The following MUC5B variants were observed in gnomAD, a reference collection of about 807,000 sequenced individuals.
The protein encoded by MUC5B is mucin-5B.
Under a neutral mutation model 376.9 loss-of-function variants are expected in MUC5B, and 116 were observed. The observed-to-expected ratio is 0.31, with a 90% CI of 0.26 to 0.36. The LOEUF (loss-of-function observed/expected upper bound fraction) is 0.36. Among genes scored for constraint, MUC5B ranks in the 10% least tolerant of loss-of-function variants. MUC5B has a pLI of 1.00. For synonymous variants in MUC5B, 3,517 were observed against 3,390.9 expected, an observed-to-expected ratio of 1.04 and a Z score of -1.29; for missense variants, 7,165 against 7,769.9, an observed-to-expected ratio of 0.92 and a Z score of 2.93.
At position 1,244,599 on chromosome 11, in the gene MUC5B, T is replaced by A. The variant is rs200202564; in HGVS notation, c.7719T>A (p.Thr2573=). 1.9e-6 allele frequency: 3 copies of A among 1,599,866 alleles called. No homozygotes were observed. The highest frequency in any genetic ancestry group is 2.6e-6 in the Non-Finnish European group (3 of 1,169,108). ...STATPSSTPE[T]VHTSTVLTTT... ...CCACACCCTCCTCCACTCCAGAGACTGTCCACACCTCCACAGTGCTTACCA... is the reference window on the plus strand; with the variant it reads ...CCACACCCTCCTCCACTCCAGAGACAGTCCACACCTCCACAGTGCTTACCA... The change falls in exon 31 of 49, where the codon ACT becomes ACA. Residue 2573 remains threonine, a synonymous_variant. Coordinates refer to ENST00000529681, the MANE Select transcript of MUC5B (RefSeq NM_002458.3).
Position 1,242,552 on chromosome 11 carries a change from C to A in MUC5B, c.5672C>A (p.Thr1891Asn). The A allele has an allele frequency of 6.2e-7, 1 of 1,613,832 alleles. No homozygotes were observed. The highest frequency in any genetic ancestry group is 8.5e-7 in the Non-Finnish European group (1 of 1,179,812). ...AGCCACTGCCCCAGTACCCCAGCCA[C>A]CAGCTCCACGGCCACGCCCTCCTCA... Reference protein sequence around the residue: ...DYSHCPSTPATSSTATPSSTP... With the variant: ...DYSHCPSTPANSSTATPSSTP... Residue 1891 changes from threonine to asparagine, a missense_variant, in exon 31 of 49, where the codon ACC (threonine) becomes AAC (asparagine). Around this residue, in one of 31 missense-constraint regions of MUC5B, gnomAD observed 897 missense variants for 779.6 expected, o/e 1.15. Coordinates refer to ENST00000529681, the MANE Select transcript of MUC5B (RefSeq NM_002458.3).
At chr11:1,259,628 G>T (rs1336715127) in intron 44 of MUC5B, 128 bp from the exon 45 acceptor site, 3 of 894,778 alleles carry the variant, frequency 3.4e-6, no homozygotes, top group Non-Finnish European at 5.2e-6. Flanking sequence ...AACTTCTTCG[G>T]GTATAGGCCC....
At position 1,261,900 on chromosome 11, in the gene MUC5B, A is replaced by T. The variant is rs769991254; in HGVS notation, c.*292A>T. On this transcript the variant is annotated 3_prime_UTR_variant, in exon 49 of 49. Transcript: ENST00000529681. ...TGGGACGCCCTGGAACAAACTAAGC[A>T]TGTGCGGGCCTATGTGTCCCTGCCA... 25 of 640,932 alleles carry T rather than the reference A, an allele frequency of 3.9e-5. No homozygotes were observed. The highest frequency in any genetic ancestry group is 2.8e-4 in the Middle Eastern group (1 of 3,512). The allele number at this position is 640,932 out of a possible 1,614,324, so 39.7% of individuals were successfully genotyped here. A position where few individuals can be genotyped will look rare whatever the true frequency, so the allele number is the denominator to read the frequency against.
intron 31 of MUC5B, 109 bp downstream of exon 31, chr11:1,251,852 C>A: frequency 1.2e-6 from 1 of 824,258 alleles, no homozygotes; most frequent in Non-Finnish European, 1.9e-6. Flanking sequence ...CATGTTTGTT[C>A]CCCACTGGCC....
At chr11:1,232,258 G>A in intron 15 of MUC5B, 98 bp downstream of exon 15, 1 of 1,427,908 alleles carries the variant, frequency 7.0e-7, no homozygotes, top group Non-Finnish European at 9.4e-7. Flanking sequence ...TGGGATTGGG[G>A]ACCCCATGGA....
intron 11 of MUC5B, 54 bp downstream of exon 11, chr11:1,230,197 G>GC: frequency 6.5e-7 from 1 of 1,534,378 alleles, no homozygotes; most frequent in Non-Finnish European, 8.7e-7. Flanking sequence ...GGACCCTCAT[G>GC]CCACTTCCAC....
In MUC5B at chr11:1,258,546, G is replaced by A. The variant is rs904520906; in HGVS notation, c.16593+179G>A. Among the ~76,000 whole-genome samples, 12 of 152,104 alleles carry A rather than the reference G, an allele frequency of 7.9e-5. No individual in the cohort carries two copies. The highest frequency in any genetic ancestry group is 1.5e-4 in the Non-Finnish European group (10 of 67,994). ...TTGGGACTCAGGGGCACCTTACGTC[G>A]ACAGCCATGAGCTCCACAACTGCTG... On this transcript the variant is annotated intron_variant, in intron 43 of 48. Transcript: ENST00000529681. The surrounding 1 kb of genome is among the most constrained non-coding windows in gnomAD (Gnocchi z 5.5).
rs55856712 is a variant in MUC5B at position 1,254,477 on chromosome 11, G to T, written c.15477+126G>T. ...CAGTGCCCAAGACAGCTCCCAGGGGGCAGGGAAGGCCTGTGGAGCCGCCTA... is the reference window on the plus strand; with the variant it reads ...CAGTGCCCAAGACAGCTCCCAGGGGTCAGGGAAGGCCTGTGGAGCCGCCTA... On this transcript the variant is annotated intron_variant, in intron 34 of 48. Coordinates refer to ENST00000529681, the MANE Select transcript of MUC5B (RefSeq NM_002458.3). 3,466 of 1,401,884 alleles carry T rather than the reference G, an allele frequency of 2.5e-3. 72 individuals are homozygous for T. In the African/African-American group the frequency reaches 0.038, roughly 15 times the overall value. 86.8% of individuals were successfully genotyped at this position (1,401,884 alleles called of 1,614,324 possible).
rs767717133 is a variant in MUC5B at position 1,247,347 on chromosome 11, G to A, written c.10467G>A (p.Thr3489=). ...LGTTHITEPS[T]VTSHTPAATT... is the part of the protein sequence containing the mutation. ...CCACCCACATCACAGAGCCTTCCAC[G>A]GTGACTTCCCACACCCCAGCAGCAA... The change falls in exon 31 of 49, where the codon ACG becomes ACA. Residue 3489 remains threonine (T), a synonymous_variant. Coordinates refer to ENST00000529681, the MANE Select transcript of MUC5B (RefSeq NM_002458.3). 7.1e-5 allele frequency: 115 copies of A among 1,610,764 alleles called. No homozygotes were observed. The highest frequency in any genetic ancestry group is 2.5e-4 in the East Asian group (11 of 44,844).
Position 1,250,592 on chromosome 11 carries a change from C to T in MUC5B, c.13712C>T (p.Thr4571Ile). 1.9e-6 allele frequency: 3 copies of T among 1,613,792 alleles called. No homozygotes were observed. The highest frequency in any genetic ancestry group is 2.5e-6 in the Non-Finnish European group (3 of 1,179,852). The part of the protein sequence containing the change: ...TSTVLTATAT[T>I]TGATGSVATP... ...ACAGTGCTTACCGCCACGGCCACCA[C>T]AACCGGGGCCACCGGCTCTGTGGCC... Residue 4571 changes from threonine (T) to isoleucine (I), a missense_variant, in exon 31 of 49, where the codon ACA becomes ATA. Physicochemically the swap from Thr to Ile is moderately conservative, Grantham distance 89 (BLOSUM62 -1). Transcript: ENST00000529681.
Position 1,243,347 on chromosome 11 carries a change from C to T in MUC5B, c.6467C>T (p.Thr2156Ile), listed in dbSNP as rs1231330898. ...AACCCCTCCTCAACTCCTGGGACAA[C>T]TCCCATCCCCCCAGTGCTGACCACC... is the stretch of plus-strand genomic sequence containing the variant. ...TTNPSSTPGT[T>I]PIPPVLTTTA... Residue 2156 changes from threonine (T) to isoleucine (I), a missense_variant, in exon 31 of 49, where the codon ACT (threonine) becomes ATT (isoleucine). Thr to Ile is a moderately conservative substitution (Grantham distance 89). This residue lies in a region of MUC5B where 897 missense variants were observed against 779.6 expected (regional missense o/e 1.15). Coordinates refer to ENST00000529681, the MANE Select transcript of MUC5B (RefSeq NM_002458.3). The T allele has an allele frequency of 1.2e-5, 19 of 1,558,556 alleles. No homozygotes were observed. The South Asian group carries it at 2.2e-4, about 18-fold the overall frequency.
Position 1,226,650 on chromosome 11 carries a change from AC to A in MUC5B, c.237del (p.Trp80GlyfsTer43). The stretch of plus-strand genomic sequence containing the variant: ...GGCGCACAATGGGCGGGTGTGCAGC[AC>A]CTGGGGTGACTTCCACTACAAGACC... ...NPAHNGRVCS[T>X]WGDFHYKTFD... On this transcript the variant is annotated frameshift_variant, in exon 4 of 49. Coordinates refer to ENST00000529681, the MANE Select transcript of MUC5B (RefSeq NM_002458.3). LOFTEE classifies it high-confidence loss of function. 6.2e-7 allele frequency: 1 copy of A among 1,611,616 alleles called. No individual in the cohort carries two copies. The highest frequency in any genetic ancestry group is 8.5e-7 in the Non-Finnish European group (1 of 1,179,432).
At chr11:1,230,778 T>TC (rs1279916078) in intron 12 of MUC5B, among the ~76,000 whole-genome samples, 158 bp from the exon 13 acceptor site, 1 of 139,888 alleles carries the variant, frequency 7.1e-6, no homozygotes, top group East Asian at 2.2e-4. Context: ...GGTCAGGTCC[T>TC]CCCGGGGGGG....
rs1172058334 is a variant in MUC5B, at chr11:1,261,936, G to A, written c.*328G>A. 12 of 548,570 alleles carry A rather than the reference G, an allele frequency of 2.2e-5. No homozygotes were observed. Among genetic ancestry groups the A allele is most frequent in the Non-Finnish European group, 4.2e-5 (12 of 286,072 alleles). 34.0% of individuals were successfully genotyped at this position (548,570 alleles called of 1,614,324 possible). On this transcript the variant is annotated 3_prime_UTR_variant, in exon 49 of 49. Transcript: ENST00000529681. ...TATGTGTCCCTGCCACGGCCGGAGC[G>A]CCCGCGCAGCACGGATTCCAGCTGG... is the stretch of plus-strand genomic sequence containing the variant.
At chr11:1,228,920 C>T (rs1371701150) in intron 8 of MUC5B, among the ~76,000 whole-genome samples, 155 bp downstream of exon 8, 1 of 150,340 alleles carries the variant, frequency 6.7e-6, no homozygotes, top group Non-Finnish European at 1.5e-5. Context: ...CCCCAGGACC[C>T]CAGGAGGGGG....
In MUC5B at chr11:1,251,514, A is replaced by T. The variant is rs779342581; in HGVS notation, c.14634A>T (p.Lys4878Asn). Residue 4878 changes from lysine to asparagine, a missense_variant, in exon 31 of 49, where the codon AAA (lysine) becomes AAT (asparagine). Around this residue, in one of 31 missense-constraint regions of MUC5B, gnomAD observed 730 missense variants for 592.7 expected, o/e 1.23. Coordinates refer to ENST00000529681, the MANE Select transcript of MUC5B (RefSeq NM_002458.3). The stretch of plus-strand genomic sequence containing the variant: ...CTCTGGGAACAGCTCACACCCCCAA[A>T]GTGGTGACCACCATGGCCACTATGC... ...SSTLGTAHTP[K>N]VVTTMATMPT... 1 of 1,613,130 alleles carries T rather than the reference A, an allele frequency of 6.2e-7. No homozygotes were observed. The highest frequency in any genetic ancestry group is 8.5e-7 in the Non-Finnish European group (1 of 1,179,798).
Position 1,236,552 on chromosome 11 carries a change from A to G in MUC5B, c.3047A>G (p.Gln1016Arg). The change falls in exon 24 of 49, where the codon CAG becomes CGG. Residue 1016 changes from glutamine to arginine, a missense_variant. By Grantham distance (43) the Gln-to-Arg change is conservative. This residue lies in a region of MUC5B where 530 missense variants were observed against 604.0 expected (regional missense o/e 0.88). Transcript: ENST00000529681. ...ACCAGCGTGTTCATCCGACTGCACC[A>G]GGACTACAAGGTGAGCTCGGGCCGT... ...RKTSVFIRLHQDYKGRVCGLC... is the reference protein window; with the variant it reads ...RKTSVFIRLHRDYKGRVCGLC... The G allele has an allele frequency of 1.2e-6, 2 of 1,612,612 alleles. No individual in the cohort carries two copies. The highest frequency in any genetic ancestry group is 2.2e-5 in the South Asian group (2 of 91,072).
In MUC5B at chr11:1,252,999, G is replaced by C; in HGVS notation, c.15217+19G>C. 1 of 1,612,260 alleles carries C rather than the reference G, an allele frequency of 6.2e-7. No individual in the cohort carries two copies. On this transcript the variant is annotated intron_variant, in intron 33 of 48. Transcript: ENST00000529681. ...TGCGAGTGTGAGTGCGTCGGTGGCC[G>C]CGGGATTACCCCGGGGGCAGGTGGA... is the stretch of plus-strand genomic sequence containing the variant.
chr11:1,244,951 A>C lies in MUC5B; in HGVS notation c.8071A>C (p.Thr2691Pro), dbSNP rs1862410926. The change falls in exon 31 of 49, where the codon ACC becomes CCC. Residue 2691 changes from threonine (T) to proline (P), a missense_variant. Thr to Pro is a conservative substitution (Grantham distance 38, BLOSUM62 -1). Around this residue, in one of 31 missense-constraint regions of MUC5B, gnomAD observed 70 missense variants for 169.1 expected, o/e 0.41. Transcript: ENST00000529681. ...TQTSGTPPSL[T>P]TTATTITATG... ...GACCAGTGGTACTCCCCCATCACTG[A>C]CCACCACGGCCACTACGATCACGGC... 6.4e-7 allele frequency: 1 copy of C among 1,574,374 alleles called. No individual in the cohort carries two copies. Among genetic ancestry groups the C allele is most frequent in the Non-Finnish European group, 8.6e-7 (1 of 1,160,846 alleles).
Sources: allele counts gnomAD v4.1 joint callset (sites outside exome capture counted in the v4.1 genomes callset), GRCh38; gene constraint gnomAD v4.1.1; regional missense constraint gnomAD v4.1.1; non-coding constraint Gnocchi (gnomAD v3.1); transcripts MANE v1.5; gene names NCBI Gene and HGNC (gene_info 2026-07-23, HGNC 2026-07-21).